The following FHDC1 variants were observed in gnomAD, a reference collection of about 807,000 sequenced individuals.
The protein encoded by FHDC1 is FH2 domain-containing protein 1.
FHDC1 carries 25 observed loss-of-function variants against 52.6 expected under a neutral mutation model. The observed-to-expected ratio is 0.48, with a 90% confidence interval of 0.35 to 0.66. The LOEUF is 0.66. FHDC1 is among the 30% of genes least tolerant of loss of function. The pLI, the probability that FHDC1 is intolerant of heterozygous loss-of-function variation, is 0.01. For synonymous variants in FHDC1, 616 were observed against 581.5 expected, an observed-to-expected ratio of 1.06 and a Z score of -0.85; for missense variants, 1,459 against 1,452.8, an observed-to-expected ratio of 1.00 and a Z score of -0.07.
At chr4:152,942,121 G>A (rs1452650331) in intron 1 of FHDC1, among the ~76,000 whole-genome samples, 8 of 152,182 alleles carry the variant, frequency 5.3e-5, no homozygotes, top group Admixed American at 2.6e-4. Context: ...GTCCTTGGGC[G>A]TATCTCTTCT....
At chr4:152,939,972 G>A (rs1739530923) in intron 1 of FHDC1, among the ~76,000 whole-genome samples, 1 of 152,262 alleles carries the variant, frequency 6.6e-6, no homozygotes, top group Non-Finnish European at 1.5e-5. Context: ...GGCAGCCAAT[G>A]TGGTCTGTTA....
intron 2 of FHDC1, among the ~76,000 whole-genome samples, chr4:152,945,931 C>G (rs745421106): frequency 1.3e-5 from 2 of 152,198 alleles, no homozygotes; most frequent in Non-Finnish European, 2.9e-5. Context: ...ATTCTACTTT[C>G]TGTTTCTATA....
At chr4:152,956,205 C>A (rs542401056) in intron 4 of FHDC1, among the ~76,000 whole-genome samples, 3 of 152,236 alleles carry the variant, frequency 2.0e-5, no homozygotes, top group South Asian at 4.2e-4. Context: ...GCTCTTGAAA[C>A]CTTATTCCTG....
chr4:152,927,596 C>G, the FHDC1 span: 2 of 1,605,700 alleles, frequency 1.2e-6, no homozygotes, highest in Non-Finnish European at 1.7e-6. Flanking sequence ...GGTTTATGAC[C>G]CTCGATCTCT....
chr4:152,976,763 T>C lies in FHDC1; in HGVS notation c.*40T>C. 1.4e-6 allele frequency: 2 copies of C among 1,449,220 alleles called. No individual in the cohort carries two copies. Among genetic ancestry groups the C allele is most frequent in the Non-Finnish European group, 1.8e-6 (2 of 1,097,026 alleles). The allele number at this position is 1,449,220 out of a possible 1,614,324, so 89.8% of individuals were successfully genotyped here. ...CTCCTGCCTCCTGGGATTCAGACGG[T>C]GAAGACTGACTTCTGGGACGAGGAT... On this transcript the variant is annotated 3_prime_UTR_variant, in exon 12 of 12. Transcript: ENST00000511601.
upstream of FHDC1, among the ~76,000 whole-genome samples, chr4:152,932,556 T>A (rs916213543): frequency 6.6e-6 from 1 of 152,268 alleles, no homozygotes; most frequent in African/African-American, 2.4e-5. Flanking sequence ...TGCATTTGTC[T>A]GCAAATCTGT....
At chr4:152,939,290 G>A (rs1739508760) in intron 1 of FHDC1, among the ~76,000 whole-genome samples, 1 of 152,084 alleles carries the variant, frequency 6.6e-6, no homozygotes, top group South Asian at 2.1e-4. Flanking sequence ...GTGTGTTTGA[G>A]TGTGTGTTTA....
At chr4:152,935,818 G>A (rs1739348090), upstream of FHDC1, among the ~76,000 whole-genome samples, 2 of 139,516 alleles carry the variant, frequency 1.4e-5, no homozygotes, top group South Asian at 4.6e-4. Flanking sequence ...CGTGCGTCGG[G>A]GGGCGTGTGC....
chr4:152,933,785 C>T (rs1165624595), upstream of FHDC1, among the ~76,000 whole-genome samples: 2 of 148,062 alleles, frequency 1.4e-5, no homozygotes, highest in Admixed American at 6.7e-5. Context: ...AGGGGCAGTA[C>T]GTCCCACTGC....
At chr4:152,923,466 T>C in the FHDC1 span, among the ~76,000 whole-genome samples, 1 of 152,168 alleles carries the variant, frequency 6.6e-6, no homozygotes, top group African/African-American at 2.4e-5. Flanking sequence ...GCCATCCCCA[T>C]CAAGCTACCA....
Position 152,954,298 on chromosome 4 carries a change from G to C in FHDC1, c.642G>C (p.Lys214Asn), listed in dbSNP as rs1243392948. The C allele has an allele frequency of 5.6e-6, 9 of 1,614,064 alleles. No homozygotes were observed. Among genetic ancestry groups the C allele is most frequent in the Non-Finnish European group, 7.6e-6 (9 of 1,179,918 alleles). The change falls in exon 4 of 12, where the codon AAG (lysine) becomes AAC (asparagine). Residue 214 changes from lysine to asparagine, a missense_variant. Around this residue, in one of 3 missense-constraint regions of FHDC1, gnomAD observed 513 missense variants for 581.5 expected, o/e 0.88. Transcript: ENST00000511601. Reference protein sequence around the residue: ...YGSETLREFLKFLPESEEVKK... With the variant: ...YGSETLREFLNFLPESEEVKK... ...CAGAGACCTTGCGAGAATTTCTTAA[G>C]TTTTTGCCAGAGTCAGAAGAGGTAA...
Position 152,976,880 on chromosome 4 carries a change from TGTGGACTGCAG to T in FHDC1, c.*158_*168del. ...TTGGGATGGCACAGTCCAGGAGGCCTGTGGACTGCAGCCTGCTGTGCTGAGCCCTGCTGCAG... is the reference window on the plus strand; with the variant it reads ...TTGGGATGGCACAGTCCAGGAGGCCTCCTGCTGTGCTGAGCCCTGCTGCAG... On this transcript the variant is annotated 3_prime_UTR_variant, in exon 12 of 12. Coordinates refer to ENST00000511601, the MANE Select transcript of FHDC1 (RefSeq NM_001371116.1). The T allele has an allele frequency of 1.1e-6, 1 of 940,952 alleles. No homozygotes were observed. The highest frequency in any genetic ancestry group is 1.5e-6 in the Non-Finnish European group (1 of 667,874). 58.3% of individuals were successfully genotyped at this position (940,952 alleles called of 1,614,324 possible).
chr4:152,913,249 C>A, the FHDC1 span, among the ~76,000 whole-genome samples: 9 of 152,222 alleles, frequency 5.9e-5, no homozygotes, highest in Admixed American at 1.3e-4. Flanking sequence ...CAAATGGCTT[C>A]ATACTAGGTA....
intron 2 of FHDC1, among the ~76,000 whole-genome samples, chr4:152,944,261 A>G (rs912520198): frequency 6.6e-6 from 1 of 152,240 alleles, no homozygotes; most frequent in African/African-American, 2.4e-5. Flanking sequence ...ATCACCATGT[A>G]TTACAGAAAC....
rs369233486 is a variant in FHDC1, at chr4:152,975,473, G to A, written c.2182G>A (p.Gly728Ser). Residue 728 changes from glycine (G) to serine (S), a missense_variant, in exon 12 of 12, where the codon GGC becomes AGC. Around this residue, in one of 3 missense-constraint regions of FHDC1, gnomAD observed 939 missense variants for 854.5 expected, o/e 1.10. Transcript: ENST00000511601. ...CAGCAGCAGCAGCCTGACACCCATG[G>A]GCAGAGATGCCCTGGGGAGTCTCAG... Reference protein sequence around the residue: ...SASSSSLTPMGRDALGSLSPA... With the variant: ...SASSSSLTPMSRDALGSLSPA... 1.9e-6 allele frequency: 3 copies of A among 1,613,242 alleles called. No homozygotes were observed. Among genetic ancestry groups the A allele is most frequent in the African/African-American group, 2.7e-5 (2 of 74,940 alleles).
intron 10 of FHDC1, among the ~76,000 whole-genome samples, chr4:152,972,063 C>T (rs940861994): frequency 1.5e-4 from 23 of 152,026 alleles, no homozygotes; most frequent in African/African-American, 5.3e-4. Flanking sequence ...CAGTTGTATA[C>T]CTGTGTAATT....
chr4:152,938,478 T>G (rs1304097333), intron 1 of FHDC1, among the ~76,000 whole-genome samples: 1 of 152,172 alleles, frequency 6.6e-6, no homozygotes, highest in Non-Finnish European at 1.5e-5. Flanking sequence ...AGAAAGCTTT[T>G]GAAAGATAAG....
At chr4:152,962,681 T>TG in intron 6 of FHDC1, 133 bp from the exon 7 acceptor site, 1 of 670,716 alleles carries the variant, frequency 1.5e-6, no homozygotes, top group Non-Finnish European at 2.6e-6. Flanking sequence ...GCTTTGTTTG[T>TG]TTTTTCCGTT....
rs1554041293 is a variant in FHDC1 at position 152,962,979 on chromosome 4, G to GTA, written c.922-43_922-42insAT. On this transcript the variant is annotated intron_variant, in intron 7 of 11. Transcript: ENST00000511601. ...TGTGTGTGTGTGTGTGTGTGTGTGT[G>GTA]TGTATGTATACATAATTTTTTCTTT... 67 of 1,445,604 alleles carry GTA rather than the reference G, an allele frequency of 4.6e-5. No individual in the cohort carries two copies. In the African/African-American group the frequency reaches 8.6e-4, roughly 19 times the overall value. The allele number at this position is 1,445,604 out of a possible 1,614,324, so 89.5% of individuals were successfully genotyped here. A position where few individuals can be genotyped will look rare whatever the true frequency, so the allele number is the denominator to read the frequency against.
Sources: allele counts gnomAD v4.1 joint callset (sites outside exome capture counted in the v4.1 genomes callset), GRCh38; gene constraint gnomAD v4.1.1; regional missense constraint gnomAD v4.1.1; transcripts MANE v1.5; gene names NCBI Gene and HGNC (gene_info 2026-07-23, HGNC 2026-07-21).